The following MAML2 variants were observed in gnomAD, a reference collection of about 807,000 sequenced individuals.
MAML2 encodes the protein mastermind like transcriptional coactivator 2.
In MAML2, 22 loss-of-function variants were observed where a neutral mutation model predicts 96.1. The observed-to-expected ratio is 0.23, with a 90% CI of 0.16 to 0.33. The LOEUF (loss-of-function observed/expected upper bound fraction) is 0.33, where lower values mean the gene tolerates loss of function less well. Among genes scored for constraint, MAML2 ranks in the 10% least tolerant of loss-of-function variants. The pLI, the probability that MAML2 is intolerant of heterozygous loss-of-function variation, is 1.00. For synonymous variants in MAML2, 561 were observed against 521.3 expected, an observed-to-expected ratio of 1.08 and a Z score of -1.04; for missense variants, 1,367 against 1,392.4, an observed-to-expected ratio of 0.98 and a Z score of 0.29.
intron 1 of MAML2, among the ~76,000 whole-genome samples, chr11:96,188,828 T>C (rs986070677): frequency 7.5e-4 from 114 of 152,080 alleles, no homozygotes; most frequent in Middle Eastern, 3.4e-3. Flanking sequence ...TGAAAGGAAG[T>C]GTCACAGGAA....
At chr11:96,028,029 G>A (rs959538081) in intron 2 of MAML2, among the ~76,000 whole-genome samples, 2 of 152,108 alleles carry the variant, frequency 1.3e-5, no homozygotes, top group Non-Finnish European at 2.9e-5. Flanking sequence ...ACAGCACCTG[G>A]CCCATTTTTC....
intron 1 of MAML2, among the ~76,000 whole-genome samples, chr11:96,126,700 G>C (rs951313257): frequency 3.9e-5 from 6 of 152,180 alleles, no homozygotes; most frequent in Non-Finnish European, 7.3e-5. Context: ...ACTGGGAAGC[G>C]CTTTGAAAGC....
chr11:96,253,682 C>A (rs1359129379), intron 1 of MAML2, among the ~76,000 whole-genome samples: 1 of 152,152 alleles, frequency 6.6e-6, no homozygotes, highest in African/African-American at 2.4e-5. Context: ...CAAAGCTGTT[C>A]CAGCACATGT....
At chr11:96,286,626 T>TA (rs1863144466) in intron 1 of MAML2, among the ~76,000 whole-genome samples, 2 of 113,594 alleles carry the variant, frequency 1.8e-5, no homozygotes, top group Non-Finnish European at 1.9e-5. Flanking sequence ...ATTCTTTTTA[T>TA]CTTTTTTTTT....
rs188014968 is a variant in MAML2, at chr11:96,157,592, A to G, written c.514-64075T>C. On this transcript the variant is annotated intron_variant, in intron 1 of 4. Coordinates refer to ENST00000524717, the MANE Select transcript of MAML2 (RefSeq NM_032427.4). The stretch of plus-strand genomic sequence containing the variant: ...GCATGAAAATCATTAGAAATAACTG[A>G]TAAGTATCTCTTATACAAAATTTGA... 8.5e-5 allele frequency among the ~76,000 whole-genome samples: 13 copies of G among 152,382 alleles called. No individual in the cohort carries two copies. In the East Asian group the frequency reaches 1.9e-3, roughly 23 times the overall value.
intron 1 of MAML2, among the ~76,000 whole-genome samples, chr11:96,141,134 G>A (rs998523769): frequency 1.3e-5 from 2 of 152,126 alleles, no homozygotes; most frequent in Non-Finnish European, 2.9e-5. Flanking sequence ...TATGGGGGAA[G>A]AAGGATGACA....
At chr11:96,322,614 C>A (rs1191314966) in intron 1 of MAML2, among the ~76,000 whole-genome samples, 1 of 152,078 alleles carries the variant, frequency 6.6e-6, no homozygotes, top group East Asian at 1.9e-4. Flanking sequence ...ATGGCGTGAA[C>A]CCGGAAGGCG....
At position 96,211,742 on chromosome 11, in the gene MAML2, C is replaced by A. The variant is rs79006062; in HGVS notation, c.514-118225G>T. 5.5e-3 allele frequency among the ~76,000 whole-genome samples: 839 copies of A among 152,180 alleles called. 9 individuals are homozygous for A. The highest frequency in any genetic ancestry group is 0.019 in the African/African-American group (798 of 41,498). ...GATGGAAAGGGGTTGGAGCTCTAAT[C>A]CTGGAAATTGCTAATATATTACAAT... is the stretch of plus-strand genomic sequence containing the variant. On this transcript the variant is annotated intron_variant, in intron 1 of 4. Coordinates refer to ENST00000524717, the MANE Select transcript of MAML2 (RefSeq NM_032427.4).
chr11:96,245,583 G>A lies in MAML2; in HGVS notation c.513+95800C>T, dbSNP rs921039927. Among the ~76,000 whole-genome samples, 8 of 151,924 alleles carry A rather than the reference G, an allele frequency of 5.3e-5. No individual in the cohort carries two copies. The East Asian group carries it at 5.8e-4, about 11-fold the overall frequency. On this transcript the variant is annotated intron_variant, in intron 1 of 4. Coordinates refer to ENST00000524717, the MANE Select transcript of MAML2 (RefSeq NM_032427.4). ...TGGTCTAAAACTGATATATCTTCAC[G>A]TTGAGGTTTCATCTGAAATGCACCA...
At chr11:96,273,961 A>G (rs1202616210) in intron 1 of MAML2, among the ~76,000 whole-genome samples, 1 of 151,530 alleles carries the variant, frequency 6.6e-6, no homozygotes, top group Non-Finnish European at 1.5e-5. Context: ...TGTAATTCCC[A>G]TTCATTATAA....
chr11:96,216,031 A>C (rs1327090900), intron 1 of MAML2, among the ~76,000 whole-genome samples: 1 of 150,152 alleles, frequency 6.7e-6, no homozygotes, highest in African/African-American at 2.5e-5. Context: ...TACATACTCA[A>C]TTTGCTTAAA....
chr11:96,034,456 A>AGAGTGT (rs766634690), intron 2 of MAML2, among the ~76,000 whole-genome samples: 4,004 of 144,742 alleles, frequency 0.028, 171 homozygotes, highest in African/African-American at 0.093. Context: ...AGAGAGAGAG[A>AGAGTGT]GTGTGTGTGT....
At chr11:96,151,478 G>C (rs546091117) in intron 1 of MAML2, among the ~76,000 whole-genome samples, 1 of 152,330 alleles carries the variant, frequency 6.6e-6, no homozygotes, top group East Asian at 1.9e-4. Flanking sequence ...GTTTGGATCT[G>C]TGTTCCCACC....
In MAML2 at chr11:96,073,413, C is replaced by T. The variant is rs1002896753; in HGVS notation, c.2139+18479G>A. On this transcript the variant is annotated intron_variant, in intron 2 of 4. Coordinates refer to ENST00000524717, the MANE Select transcript of MAML2 (RefSeq NM_032427.4). ...TCAGCTCACTGCAAGCTCCACCTCTCGGATTCACACCATTCTCCTGCCTCA... is the reference window on the plus strand; with the variant it reads ...TCAGCTCACTGCAAGCTCCACCTCTTGGATTCACACCATTCTCCTGCCTCA... 3.0e-4 allele frequency among the ~76,000 whole-genome samples: 46 copies of T among 151,000 alleles called. 1 individual carries two copies. Among genetic ancestry groups the T allele is most frequent in the African/African-American group, 9.5e-4 (39 of 41,060 alleles).
chr11:96,309,452 A>G (rs1210222389), intron 1 of MAML2, among the ~76,000 whole-genome samples: 2 of 152,222 alleles, frequency 1.3e-5, no homozygotes, highest in African/African-American at 4.8e-5. Context: ...TGCTAAGATC[A>G]TCATGGATGA....
intron 1 of MAML2, among the ~76,000 whole-genome samples, chr11:96,133,531 C>T (rs1860578874): frequency 6.6e-6 from 1 of 152,030 alleles, no homozygotes; most frequent in African/African-American, 2.4e-5. Context: ...ATTCAGCCTT[C>T]TCTTGGTCAA....
At chr11:96,301,121 G>T (rs78215381) in intron 1 of MAML2, among the ~76,000 whole-genome samples, 2,497 of 152,250 alleles carry the variant, frequency 0.016, 26 homozygotes, top group Non-Finnish European at 0.02. Context: ...TCGCCCAAGG[G>T]TCTCATGTAT....
At chr11:96,298,214 A>G (rs1020970567) in intron 1 of MAML2, among the ~76,000 whole-genome samples, 4 of 152,238 alleles carry the variant, frequency 2.6e-5, no homozygotes, top group African/African-American at 9.6e-5. Flanking sequence ...CGGTAAGGAT[A>G]TCTTCTATTG....
At chr11:96,204,818 A>G (rs1405442088) in intron 1 of MAML2, among the ~76,000 whole-genome samples, 2 of 152,212 alleles carry the variant, frequency 1.3e-5, no homozygotes, top group Non-Finnish European at 2.9e-5. Context: ...AAGGTGTAAC[A>G]TGTTTTCGAT....
Sources: allele counts gnomAD v4.1 joint callset (sites outside exome capture counted in the v4.1 genomes callset), GRCh38; gene constraint gnomAD v4.1.1; transcripts MANE v1.5; gene names NCBI Gene and HGNC (gene_info 2026-07-23, HGNC 2026-07-21).